The following KCNQ5 variants were observed in gnomAD, a reference collection of about 807,000 sequenced individuals.
The protein encoded by KCNQ5 is potassium voltage-gated channel subfamily Q member 5, also known as potassium voltage-gated channel subfamily KQT member 5.
Under a neutral mutation model 98.2 loss-of-function variants are expected in KCNQ5, and 30 were observed. The observed-to-expected ratio is 0.31, with a 90% CI of 0.23 to 0.41. The LOEUF (loss-of-function observed/expected upper bound fraction) is 0.41. KCNQ5 is among the 10% of genes least tolerant of loss of function. The pLI is 1.00. For missense variants in KCNQ5, 835 were observed against 1,182.5 expected, an observed-to-expected ratio of 0.71 and a Z score of 4.31; for synonymous variants, 458 against 449.4, an observed-to-expected ratio of 1.02 and a Z score of -0.24.
intron 1 of KCNQ5, among the ~76,000 whole-genome samples, chr6:72,863,334 C>T (rs1777844101): frequency 6.6e-6 from 1 of 152,226 alleles, no homozygotes; most frequent in Non-Finnish European, 1.5e-5. Flanking sequence ...AAGTCTGTTT[C>T]TCAGAAGGCA....
chr6:72,692,486 T>G (rs1018388405), intron 1 of KCNQ5, among the ~76,000 whole-genome samples: 1 of 152,220 alleles, frequency 6.6e-6, no homozygotes, highest in African/African-American at 2.4e-5. Flanking sequence ...CTAGAATTAA[T>G]TTGTTGGTTA....
intron 1 of KCNQ5, among the ~76,000 whole-genome samples, chr6:72,836,179 G>C (rs1278815790): frequency 6.6e-6 from 1 of 152,080 alleles, no homozygotes; most frequent in Non-Finnish European, 1.5e-5. Flanking sequence ...TAAGATTTTG[G>C]TGGATGAATC....
chr6:72,796,123 A>G (rs759338817), intron 1 of KCNQ5, among the ~76,000 whole-genome samples: 1 of 152,224 alleles, frequency 6.6e-6, no homozygotes, highest in African/African-American at 2.4e-5. Flanking sequence ...TGTGTTTCTA[A>G]TAACCAATGA....
intron 13 of KCNQ5, 87 bp from the exon 14 acceptor site, chr6:73,194,365 C>T: frequency 8.2e-7 from 1 of 1,215,498 alleles, no homozygotes; most frequent in Admixed American, 2.4e-5. Context: ...TGTTGGCACA[C>T]CTTGACTTCA....
Position 72,900,127 on chromosome 6 carries a change from C to T in KCNQ5, c.399-103781C>T, listed in dbSNP as rs1199920486. Among the ~76,000 whole-genome samples, 5 of 152,118 alleles carry T rather than the reference C, an allele frequency of 3.3e-5. No homozygotes were observed. The East Asian group carries it at 5.8e-4, about 18-fold the overall frequency. On this transcript the variant is annotated intron_variant, in intron 1 of 13. Coordinates refer to ENST00000370398, the MANE Select transcript of KCNQ5 (RefSeq NM_019842.4). ...CTGGGATTACAGGCGTCAGCCACTG[C>T]GCCTGGCCTATTGCACCATTCTTAT...
At chr6:72,995,692 G>T (rs528904487) in intron 1 of KCNQ5, among the ~76,000 whole-genome samples, 1 of 152,298 alleles carries the variant, frequency 6.6e-6, no homozygotes, top group African/African-American at 2.4e-5. Flanking sequence ...ACATTAGGAG[G>T]TTCTTGTTTA....
intron 1 of KCNQ5, among the ~76,000 whole-genome samples, chr6:72,983,199 T>C (rs1768560244): frequency 6.6e-6 from 1 of 152,208 alleles, no homozygotes; most frequent in Non-Finnish European, 1.5e-5. Flanking sequence ...CTGTATTTCC[T>C]GAGTTTGAAT....
At chr6:73,112,596 C>T (rs534373477) in intron 7 of KCNQ5, among the ~76,000 whole-genome samples, 2 of 152,234 alleles carry the variant, frequency 1.3e-5, no homozygotes, top group Admixed American at 6.5e-5. Context: ...CCGCCCACCT[C>T]GGCCTCCCAA....
intron 1 of KCNQ5, among the ~76,000 whole-genome samples, chr6:72,888,818 A>C (rs1489058943): frequency 1.3e-5 from 2 of 152,082 alleles, no homozygotes; most frequent in Non-Finnish European, 2.9e-5. Flanking sequence ...ACATTTTTTA[A>C]TTCATTTAAT....
At chr6:72,855,225 G>A (rs879315162) in intron 1 of KCNQ5, among the ~76,000 whole-genome samples, 5 of 151,400 alleles carry the variant, frequency 3.3e-5, no homozygotes, top group Admixed American at 6.6e-5. Flanking sequence ...TTTTAAACAC[G>A]ATAAATTAAA....
chr6:72,897,264 G>A (rs982798176), intron 1 of KCNQ5, among the ~76,000 whole-genome samples: 4 of 152,078 alleles, frequency 2.6e-5, no homozygotes, highest in Non-Finnish European at 5.9e-5. Flanking sequence ...GGTCTAGCAG[G>A]GCAAGGTGGC....
intron 1 of KCNQ5, among the ~76,000 whole-genome samples, chr6:72,764,497 T>C (rs901561882): frequency 5.3e-5 from 8 of 152,064 alleles, no homozygotes; most frequent in African/African-American, 1.9e-4. Context: ...AAGTAGTATG[T>C]GTATATATTT....
intron 1 of KCNQ5, among the ~76,000 whole-genome samples, chr6:73,001,734 T>C (rs1440066878): frequency 6.6e-6 from 1 of 152,196 alleles, no homozygotes; most frequent in African/African-American, 2.4e-5. Flanking sequence ...TTCTCATTTA[T>C]AGTTTGGGGG....
chr6:72,656,028 C>T (rs1766176444), intron 1 of KCNQ5, among the ~76,000 whole-genome samples: 1 of 152,118 alleles, frequency 6.6e-6, no homozygotes, highest in Non-Finnish European at 1.5e-5. Context: ...TCCATTTGCC[C>T]TCAGATATTT....
intron 9 of KCNQ5, among the ~76,000 whole-genome samples, chr6:73,130,168 G>A (rs547738936): frequency 6.6e-6 from 1 of 152,336 alleles, no homozygotes; most frequent in South Asian, 2.1e-4. Flanking sequence ...TATTGTGCCT[G>A]AGGCGAGAAT....
At chr6:73,043,615 C>T (rs1373581399) in intron 3 of KCNQ5, among the ~76,000 whole-genome samples, 1 of 152,142 alleles carries the variant, frequency 6.6e-6, no homozygotes, top group East Asian at 1.9e-4. Context: ...CCATAAGGGG[C>T]CCAAACAAAA....
chr6:73,075,552 A>AAG (rs1255831607), intron 3 of KCNQ5, among the ~76,000 whole-genome samples: 5 of 152,172 alleles, frequency 3.3e-5, no homozygotes, highest in Non-Finnish European at 7.4e-5. Flanking sequence ...GTCATATACT[A>AAG]ATATATATTT....
chr6:72,736,498 A>ATTTTTTTTTTTTTT (rs556225458), intron 1 of KCNQ5, among the ~76,000 whole-genome samples: 1 of 112,694 alleles, frequency 8.9e-6, no homozygotes, highest in African/African-American at 5.4e-5. Flanking sequence ...GTAAAAAAAG[A>ATTTTTTTTTTTTTT]TTTCTTTTTT....
At chr6:72,797,547 G>A (rs1774408619) in intron 1 of KCNQ5, among the ~76,000 whole-genome samples, 2 of 151,310 alleles carry the variant, frequency 1.3e-5, no homozygotes, top group South Asian at 4.2e-4. Flanking sequence ...GCTTGTTATA[G>A]TTACATTGAC....
Sources: allele counts gnomAD v4.1 joint callset (sites outside exome capture counted in the v4.1 genomes callset), GRCh38; gene constraint gnomAD v4.1.1; transcripts MANE v1.5; gene names NCBI Gene and HGNC (gene_info 2026-07-23, HGNC 2026-07-21).